MPPED2: variants seen among roughly 807,000 people sequenced by gnomAD.
The protein encoded by MPPED2 is metallophosphoesterase domain containing 2.
MPPED2 carries 5 observed loss-of-function variants against 33.0 expected under a neutral mutation model. The observed-to-expected ratio is 0.15, with a 90% confidence interval of 0.08 to 0.32. MPPED2 has a LOEUF of 0.32. Among genes scored for constraint, MPPED2 ranks in the 10% least tolerant of loss-of-function variants. The pLI, the probability that MPPED2 is intolerant of heterozygous loss-of-function variation, is 1.00. For synonymous variants in MPPED2, 136 were observed against 141.9 expected (o/e 0.96, Z 0.29); for missense variants, 275 against 372.1 (o/e 0.74, Z 2.15).
At chr11:30,426,130 A>G (rs544362182) in intron 4 of MPPED2, among the ~76,000 whole-genome samples, 28 of 152,298 alleles carry the variant, frequency 1.8e-4, no homozygotes, top group African/African-American at 6.7e-4. Context: ...CATCCTAAAT[A>G]GAAGGTCTAT....
rs540123549 is a variant in MPPED2, at chr11:30,543,219, G to A, written c.129-7044C>T. 2.6e-5 allele frequency among the ~76,000 whole-genome samples: 4 copies of A among 152,290 alleles called. No homozygotes were observed. The South Asian group carries it at 6.2e-4, about 24-fold the overall frequency. ...GGTTCCTCATTCTCAAGGATCTCACGTCACATGCACATATGGATTTTGCTT... is the reference window on the plus strand; with the variant it reads ...GGTTCCTCATTCTCAAGGATCTCACATCACATGCACATATGGATTTTGCTT... On this transcript the variant is annotated intron_variant, in intron 2 of 6. Transcript: ENST00000358117.
intron 2 of MPPED2, among the ~76,000 whole-genome samples, chr11:30,539,335 C>G (rs1590772210): frequency 6.6e-6 from 1 of 152,106 alleles, no homozygotes; most frequent in Non-Finnish European, 1.5e-5. Flanking sequence ...CCTAAGGCAT[C>G]GTGTCAAATA....
chr11:30,584,777 G>T (rs1252491672), intron 1 of MPPED2: 1 of 152,390 alleles, frequency 6.6e-6, no homozygotes, highest in Non-Finnish European at 1.5e-5. Flanking sequence ...GCGCTGCCAG[G>T]TTCCTTCCCT....
chr11:30,478,126 T>A (rs1438069302), intron 4 of MPPED2, among the ~76,000 whole-genome samples: 1 of 151,930 alleles, frequency 6.6e-6, no homozygotes, highest in Non-Finnish European at 1.5e-5. Context: ...TTCATTGGAG[T>A]TGCTTCCTCT....
At chr11:30,449,427 A>C (rs532612412) in intron 4 of MPPED2, among the ~76,000 whole-genome samples, 2 of 152,256 alleles carry the variant, frequency 1.3e-5, no homozygotes, top group South Asian at 4.1e-4. Context: ...TAAACAGATT[A>C]CTTGAGCCCA....
intron 3 of MPPED2, among the ~76,000 whole-genome samples, chr11:30,510,947 A>T (rs1272285761): frequency 1.3e-5 from 2 of 152,200 alleles, no homozygotes; most frequent in Non-Finnish European, 2.9e-5. Flanking sequence ...TAACTCTGTC[A>T]TGTGGCATTT....
At chr11:30,407,458 C>T (rs1948007611), downstream of MPPED2, among the ~76,000 whole-genome samples, 1 of 152,212 alleles carries the variant, frequency 6.6e-6, no homozygotes, top group Non-Finnish European at 1.5e-5. Flanking sequence ...CCCACTAATG[C>T]CCTTGGGCTT....
At chr11:30,568,375 C>CCT in intron 2 of MPPED2, among the ~76,000 whole-genome samples, 1 of 151,982 alleles carries the variant, frequency 6.6e-6, no homozygotes, top group Non-Finnish European at 1.5e-5. Flanking sequence ...TCATTCTTTC[C>CCT]CTCTCTCTCT....
intron 3 of MPPED2, among the ~76,000 whole-genome samples, chr11:30,514,909 G>T (rs1953438466): frequency 6.6e-6 from 1 of 152,070 alleles, no homozygotes; most frequent in Non-Finnish European, 1.5e-5. Context: ...AGACAAGCCT[G>T]GTGTGGTGAA....
Position 30,495,333 on chromosome 11 carries a change from C to T in MPPED2, c.499G>A (p.Val167Ile). 1 of 1,614,022 alleles carries T rather than the reference C, an allele frequency of 6.2e-7. No homozygotes were observed. Among genetic ancestry groups the T allele is most frequent in the Non-Finnish European group, 8.5e-7 (1 of 1,179,902 alleles). ...TATATCCTGAATCCCTTCACTGTTA[C>T]CTCCGAATCTTGTAAGTAAATACTG... Reference protein sequence around the residue: ...TNSIYLQDSEVTVKGFRIYGA... With the variant: ...TNSIYLQDSEITVKGFRIYGA... Residue 167 changes from valine (V) to isoleucine (I), a missense_variant, in exon 4 of 7, where the codon GTA (valine) becomes ATA (isoleucine). Val to Ile is a conservative substitution (Grantham distance 29). Coordinates refer to ENST00000358117, the MANE Select transcript of MPPED2 (RefSeq NM_001584.3).
At chr11:30,519,938 T>G (rs1431889985) in intron 3 of MPPED2, among the ~76,000 whole-genome samples, 1 of 152,188 alleles carries the variant, frequency 6.6e-6, no homozygotes, top group East Asian at 1.9e-4. Context: ...AGTGAAGAAC[T>G]TCCTAACATT....
At chr11:30,415,682 AT>A (rs1948318325) in intron 5 of MPPED2, among the ~76,000 whole-genome samples, 1 of 152,104 alleles carries the variant, frequency 6.6e-6, no homozygotes, top group Admixed American at 6.5e-5. Context: ...CCACTCTCTC[AT>A]TTACTCCACC....
chr11:30,453,662 C>G (rs759512175), intron 4 of MPPED2, among the ~76,000 whole-genome samples: 3 of 152,184 alleles, frequency 2.0e-5, no homozygotes, highest in Non-Finnish European at 4.4e-5. Flanking sequence ...AATTTCTGGT[C>G]ATTTTCTACA....
chr11:30,530,690 G>A lies in MPPED2; in HGVS notation c.310+5304C>T, dbSNP rs1954472748. On this transcript the variant is annotated intron_variant, in intron 3 of 6. Coordinates refer to ENST00000358117, the MANE Select transcript of MPPED2 (RefSeq NM_001584.3). The stretch of plus-strand genomic sequence containing the variant: ...GAAAATCAGAAATAAGAAGGTGGAT[G>A]TGCAATCAAACGATGAGATCTTCTA... Among the ~76,000 whole-genome samples the A allele has an allele frequency of 2.6e-5, 4 of 152,216 alleles. No individual in the cohort carries two copies. The South Asian group carries it at 6.2e-4, about 24-fold the overall frequency.
chr11:30,461,531 C>A (rs1212826064), intron 4 of MPPED2, among the ~76,000 whole-genome samples: 3 of 152,138 alleles, frequency 2.0e-5, no homozygotes, highest in Non-Finnish European at 4.4e-5. Context: ...GAGTGGAAAG[C>A]ACTCCGTAGC....
At chr11:30,502,101 T>G (rs541026546) in intron 3 of MPPED2, among the ~76,000 whole-genome samples, 1 of 152,312 alleles carries the variant, frequency 6.6e-6, no homozygotes, top group South Asian at 2.1e-4. Context: ...CACTGATTCA[T>G]GCAATTCCAT....
chr11:30,501,656 A>C lies in MPPED2; in HGVS notation c.311-6135T>G, dbSNP rs1046249813. 6 of 965,044 alleles carry C rather than the reference A, an allele frequency of 6.2e-6. No homozygotes were observed. The African/African-American group carries it at 8.8e-5, about 14-fold the overall frequency. 59.8% of individuals were successfully genotyped at this position (965,044 alleles called of 1,614,324 possible). ...CTGTTTCTCTCAAGAGTGACTACTC[A>C]TGCAGAATATCCAGAATTTCTTCTT... is the stretch of plus-strand genomic sequence containing the variant. On this transcript the variant is annotated intron_variant, in intron 3 of 6. Coordinates refer to ENST00000358117, the MANE Select transcript of MPPED2 (RefSeq NM_001584.3).
At chr11:30,483,133 G>C (rs499243) in intron 4 of MPPED2, among the ~76,000 whole-genome samples, 1 of 152,328 alleles carries the variant, frequency 6.6e-6, no homozygotes, top group African/African-American at 2.4e-5. Flanking sequence ...ATTTAAAAGC[G>C]TAAAGGTCAG....
intron 2 of MPPED2, among the ~76,000 whole-genome samples, chr11:30,550,077 G>C (rs1022544064): frequency 2.6e-5 from 4 of 152,094 alleles, no homozygotes; most frequent in African/African-American, 9.7e-5. Flanking sequence ...CATTTTAATG[G>C]GCAATGCCCC....
Sources: allele counts gnomAD v4.1 joint callset (sites outside exome capture counted in the v4.1 genomes callset), GRCh38; gene constraint gnomAD v4.1.1; transcripts MANE v1.5; gene names NCBI Gene and HGNC (gene_info 2026-07-23, HGNC 2026-07-21).